Variants in RBM19 observed in about 807,000 individuals in gnomAD.
The protein encoded by RBM19 is probable RNA-binding protein 19.
RBM19 carries 94 observed loss-of-function variants against 116.8 expected under a neutral mutation model. The observed-to-expected ratio is 0.80, with a 90% CI of 0.68 to 0.95. The LOEUF is 0.95. RBM19 is among the 40% of genes least tolerant of loss of function. The pLI, the probability that RBM19 is intolerant of heterozygous loss-of-function variation, is 0.00. For synonymous variants in RBM19, 475 were observed against 494.1 expected (o/e 0.96, Z 0.51); for missense variants, 1,161 against 1,220.7 (o/e 0.95, Z 0.73).
chr12:113,946,491 G>C lies in RBM19; in HGVS notation c.1408-16C>G. ...GCATCCTGCCCTGGATGGGAATGAC[G>C]GGAAGGGAGTAAACAGAAGCCTTGC... On this transcript the variant is annotated splice_polypyrimidine_tract_variant and intron_variant, in intron 11 of 23. Coordinates refer to ENST00000261741, the MANE Select transcript of RBM19 (RefSeq NM_016196.4). 1 of 1,614,134 alleles carries C rather than the reference G, an allele frequency of 6.2e-7. No homozygotes were observed. The highest frequency in any genetic ancestry group is 8.5e-7 in the Non-Finnish European group (1 of 1,180,008).
intron 23 of RBM19, among the ~76,000 whole-genome samples, chr12:113,833,001 A>C (rs144067054): frequency 1.3e-5 from 2 of 152,182 alleles, no homozygotes; most frequent in African/African-American, 4.8e-5. Flanking sequence ...TTTAAATATC[A>C]TCTGTCTGCT....
intron 21 of RBM19, among the ~76,000 whole-genome samples, chr12:113,908,567 A>C (rs1337027149): frequency 7.0e-6 from 1 of 142,876 alleles, no homozygotes; most frequent in African/African-American, 2.7e-5. Context: ...TCAAGGAAGA[A>C]AATAGCAAAA....
At chr12:113,858,991 G>C (rs569464637) in intron 21 of RBM19, 95 bp from the exon 22 acceptor site, 1 of 1,132,676 alleles carries the variant, frequency 8.8e-7, no homozygotes, top group Non-Finnish European at 1.3e-6. Flanking sequence ...AATCCCTTTG[G>C]GTTATAAAAG....
At chr12:113,854,344 C>T (rs1877706577) in intron 22 of RBM19, among the ~76,000 whole-genome samples, 1 of 152,142 alleles carries the variant, frequency 6.6e-6, no homozygotes, top group Non-Finnish European at 1.5e-5. Flanking sequence ...CCCCTGGTTG[C>T]ATGGCGTTGA....
intron 21 of RBM19, among the ~76,000 whole-genome samples, chr12:113,876,836 T>C (rs1057250333): frequency 6.6e-6 from 1 of 151,970 alleles, no homozygotes; most frequent in South Asian, 2.1e-4. Flanking sequence ...AAAAAAGAAG[T>C]AAAATGGACA....
Position 113,962,354 on chromosome 12 carries a change from G to A in RBM19, c.97C>T (p.Leu33=). The A allele has an allele frequency of 6.2e-7, 1 of 1,614,206 alleles. No homozygotes were observed. The highest frequency in any genetic ancestry group is 8.5e-7 in the Non-Finnish European group (1 of 1,180,008). Reference sequence around the variant, plus strand: ...AACTTGCCATCTTTGGTGAACTTCAGGCTGCAGTCTGTCAGCGTGCCGAAG... The same window carrying A: ...AACTTGCCATCTTTGGTGAACTTCAAGCTGCAGTCTGTCAGCGTGCCGAAG... ...AAFGTLTDCS[L]KFTKDGKFRK... The change falls in exon 2 of 24, where the codon CTG becomes TTG. Residue 33 remains leucine (L), a synonymous_variant. Coordinates refer to ENST00000261741, the MANE Select transcript of RBM19 (RefSeq NM_016196.4).
chr12:113,931,657 G>C (rs1399979001), intron 16 of RBM19, among the ~76,000 whole-genome samples: 3 of 151,966 alleles, frequency 2.0e-5, no homozygotes. Flanking sequence ...AAACGCACTG[G>C]TCTCTTTTCT....
At chr12:113,826,849 G>A (rs1050174851) in intron 23 of RBM19, among the ~76,000 whole-genome samples, 1 of 152,178 alleles carries the variant, frequency 6.6e-6, no homozygotes, top group African/African-American at 2.4e-5. Context: ...TGGGGCGGGG[G>A]CTCTTACGCG....
At chr12:113,910,349 C>T (rs71467943) in intron 21 of RBM19, among the ~76,000 whole-genome samples, 6,584 of 152,278 alleles carry the variant, frequency 0.043, 211 homozygotes, top group Non-Finnish European at 0.066. Flanking sequence ...CCAAACTTCC[C>T]GATTCTTCTA....
rs1160529205 is a variant in RBM19 at position 113,937,141 on chromosome 12, A to G, written c.1939-5T>C. 2 of 1,613,872 alleles carry G rather than the reference A, an allele frequency of 1.2e-6. No individual in the cohort carries two copies. Among genetic ancestry groups the G allele is most frequent in the African/African-American group, 2.7e-5 (2 of 74,926 alleles). Reference sequence around the variant, plus strand: ...ATAGAGGGGGACATGATGGAACTGCAGAGACAAGAGTGATGGCCCTGTGGG... The same window carrying G: ...ATAGAGGGGGACATGATGGAACTGCGGAGACAAGAGTGATGGCCCTGTGGG... On this transcript the variant is annotated splice_polypyrimidine_tract_variant and splice_region_variant and intron_variant, in intron 15 of 23. Coordinates refer to ENST00000261741, the MANE Select transcript of RBM19 (RefSeq NM_016196.4).
chr12:113,839,096 C>A (rs1876225559), intron 23 of RBM19, among the ~76,000 whole-genome samples: 1 of 152,232 alleles, frequency 6.6e-6, no homozygotes, highest in Non-Finnish European at 1.5e-5. Context: ...GATCTGAGTG[C>A]CTTCCTGGCA....
At chr12:113,856,810 G>A (rs962823697) in intron 22 of RBM19, among the ~76,000 whole-genome samples, 1 of 152,122 alleles carries the variant, frequency 6.6e-6, no homozygotes, top group Non-Finnish European at 1.5e-5. Flanking sequence ...TAGGGGCCAG[G>A]CCCTGTTCTA....
At chr12:113,867,486 C>T (rs751592014) in intron 21 of RBM19, among the ~76,000 whole-genome samples, 5 of 152,198 alleles carry the variant, frequency 3.3e-5, no homozygotes, top group Non-Finnish European at 7.3e-5. Context: ...GGTTTTCAAT[C>T]CCCTCCAACC....
intron 21 of RBM19, among the ~76,000 whole-genome samples, chr12:113,868,605 CAT>C (rs1879006081): frequency 6.6e-6 from 1 of 152,164 alleles, no homozygotes; most frequent in South Asian, 2.1e-4. Flanking sequence ...AAGGAAAAGA[CAT>C]AGTGTTTCTC....
intron 21 of RBM19, among the ~76,000 whole-genome samples, chr12:113,867,557 G>T (rs955548219): frequency 6.6e-6 from 1 of 152,158 alleles, no homozygotes; most frequent in Non-Finnish European, 1.5e-5. Flanking sequence ...TATATGTACA[G>T]TTTAAAACTG....
intron 13 of RBM19, among the ~76,000 whole-genome samples, chr12:113,945,006 G>A (rs1033660562): frequency 2.0e-5 from 3 of 152,110 alleles, no homozygotes; most frequent in Admixed American, 2.0e-4. Context: ...GAGCAGATAT[G>A]TCAGCTGTGT....
chr12:113,928,625 ATGTGTGTGTGTGTG>A (rs57242923), intron 16 of RBM19, among the ~76,000 whole-genome samples: 2 of 120,330 alleles, frequency 1.7e-5, no homozygotes, highest in South Asian at 3.5e-4. Context: ...TTAGCAAGGG[ATGTGTGTGTGTGTG>A]TGTGTGTGTG....
At chr12:113,948,799 T>G in intron 10 of RBM19, 34 bp downstream of exon 10, 1 of 1,608,118 alleles carries the variant, frequency 6.2e-7, no homozygotes, top group Non-Finnish European at 8.5e-7. Context: ...CCATAGCCGC[T>G]GGGCTATCCA....
chr12:113,834,258 T>C (rs1875685133), intron 23 of RBM19, among the ~76,000 whole-genome samples: 2 of 152,000 alleles, frequency 1.3e-5, no homozygotes, highest in Admixed American at 6.6e-5. Context: ...TGAAGAACTG[T>C]TGAATGAATG....
Sources: gnomAD v4.1 joint callset for allele counts (sites outside exome capture counted in the v4.1 genomes callset) on GRCh38, gnomAD v4.1.1 for gene constraint, MANE v1.5 for transcripts, NCBI Gene and HGNC (gene_info 2026-07-23, HGNC 2026-07-21) for gene names.